JAK3: variants seen among roughly 807,000 people sequenced by gnomAD.
JAK3 encodes tyrosine-protein kinase JAK3.
Under a neutral mutation model 120.8 loss-of-function variants are expected in JAK3, and 88 were observed. The observed-to-expected ratio is 0.73, with a 90% CI of 0.61 to 0.87. The LOEUF (loss-of-function observed/expected upper bound fraction) is 0.87. Ranked by LOEUF, JAK3 falls within the 40% of genes least tolerant of loss-of-function variation. The pLI is 0.00. For missense variants in JAK3, 1,254 were observed against 1,501.4 expected, an observed-to-expected ratio of 0.84 and a Z score of 2.72; for synonymous variants, 592 against 628.6, an observed-to-expected ratio of 0.94 and a Z score of 0.87.
In JAK3 at chr19:17,843,353, T is replaced by TG; in HGVS notation, c.420+26dup. 6.5e-7 allele frequency: 1 copy of TG among 1,550,114 alleles called. No homozygotes were observed. Among genetic ancestry groups the TG allele is most frequent in the South Asian group, 1.2e-5 (1 of 85,226 alleles). On this transcript the variant is annotated intron_variant, in intron 4 of 23. Coordinates refer to ENST00000458235, the MANE Select transcript of JAK3 (RefSeq NM_000215.4). This position sits in a 1 kb window ranked among gnomAD's most constrained non-coding sequence, Gnocchi z 5.4. The stretch of plus-strand genomic sequence containing the variant: ...GTTGCCCCTTGGACCCCCAACCCCC[T>TG]GGGTCAAACCCCAGGCAGAACCCCA...
rs200747845 is a variant in JAK3, at chr19:17,826,684, G to A, written c.*59C>T. 24 of 1,592,836 alleles carry A rather than the reference G, an allele frequency of 1.5e-5. No homozygotes were observed. The highest frequency in any genetic ancestry group is 2.7e-5 in the African/African-American group (2 of 74,456). Reference sequence around the variant, plus strand: ...CTGAGGCCCAGAGAGGGGCAGCTCCGGGCCTAAGGTCACACAGCCAGTCAA... The same window carrying A: ...CTGAGGCCCAGAGAGGGGCAGCTCCAGGCCTAAGGTCACACAGCCAGTCAA... On this transcript the variant is annotated 3_prime_UTR_variant, in exon 24 of 24. Transcript: ENST00000458235.
rs1444227196 is a variant in JAK3, at chr19:17,831,859, C to T, written c.2681-61G>A. The T allele has an allele frequency of 1.9e-6, 3 of 1,601,762 alleles. No individual in the cohort carries two copies. Among genetic ancestry groups the T allele is most frequent in the East Asian group, 2.2e-5 (1 of 44,638 alleles). On this transcript the variant is annotated intron_variant, in intron 19 of 23. Transcript: ENST00000458235. This position sits in a 1 kb window ranked among gnomAD's most constrained non-coding sequence, Gnocchi z 5.1. The stretch of plus-strand genomic sequence containing the variant: ...CCCTGCTCGTCCCCCCATTCTTCCC[C>T]CCTTTCACAGTGGGACCTTGTGTCC...
chr19:17,836,161 G>A, intron 13 of JAK3, 110 bp from the exon 14 acceptor site: 1 of 1,273,878 alleles, frequency 7.9e-7, no homozygotes, highest in Non-Finnish European at 1.1e-6. Flanking sequence ...ATCTCTGTCT[G>A]TTCCCTCCCC....
intron 1 of JAK3, among the ~76,000 whole-genome samples, chr19:17,846,455 C>T (rs1028358781): frequency 2.0e-5 from 3 of 152,158 alleles, no homozygotes; most frequent in Admixed American, 6.5e-5. Context: ...TTCCTAGTCC[C>T]GGGAACCTTG....
intron 1 of JAK3, among the ~76,000 whole-genome samples, chr19:17,846,006 C>T (rs3212703): frequency 0.079 from 12,036 of 151,936 alleles, 598 homozygotes; most frequent in African/African-American, 0.13. Flanking sequence ...TTGGTAGAGA[C>T]GGGGTTTCAC....
chr19:17,845,103 TGTC>T (rs1186390445), intron 1 of JAK3, among the ~76,000 whole-genome samples: 1 of 152,198 alleles, frequency 6.6e-6, no homozygotes, highest in East Asian at 1.9e-4. Context: ...CAGTGGCTCA[TGTC>T]TGTAATCCCA....
At position 17,843,236 on chromosome 19, in the gene JAK3, G is replaced by T. The variant is rs1458030611; in HGVS notation, c.421-64C>A. 6.4e-7 allele frequency: 1 copy of T among 1,561,230 alleles called. No homozygotes were observed. The highest frequency in any genetic ancestry group is 1.2e-5 in the South Asian group (1 of 85,844). On this transcript the variant is annotated intron_variant, in intron 4 of 23. Coordinates refer to ENST00000458235, the MANE Select transcript of JAK3 (RefSeq NM_000215.4). This position sits in a 1 kb window ranked among gnomAD's most constrained non-coding sequence, Gnocchi z 5.4. ...CAACTTCAAGCCCTGTTGTTAACCTGCAGACCCCCCCAATCCTGGGCTGAC... is the reference window on the plus strand; with the variant it reads ...CAACTTCAAGCCCTGTTGTTAACCTTCAGACCCCCCCAATCCTGGGCTGAC...
rs2094213325 is a variant in JAK3 at position 17,831,025 on chromosome 19, G to A, written c.2978+203C>T. Among the ~76,000 whole-genome samples, 1 of 148,944 alleles carries A rather than the reference G, an allele frequency of 6.7e-6. No homozygotes were observed. Among genetic ancestry groups the A allele is most frequent in the African/African-American group, 2.5e-5 (1 of 40,192 alleles). On this transcript the variant is annotated intron_variant, in intron 21 of 23. Coordinates refer to ENST00000458235, the MANE Select transcript of JAK3 (RefSeq NM_000215.4). This position sits in a 1 kb window ranked among gnomAD's most constrained non-coding sequence, Gnocchi z 5.1. ...AAGGGCGGGGCTAAGGCTGGGGGCCGCTGACAGCAGGGCAGCGGGAGACAG... is the reference window on the plus strand; with the variant it reads ...AAGGGCGGGGCTAAGGCTGGGGGCCACTGACAGCAGGGCAGCGGGAGACAG...
At position 17,830,144 on chromosome 19, in the gene JAK3, G is replaced by A. The variant is rs1476624133; in HGVS notation, c.3171C>T (p.Gly1057=). The change falls in exon 23 of 24, where the codon GGC becomes GGT. Residue 1057 remains glycine (G), a synonymous_variant. Coordinates refer to ENST00000458235, the MANE Select transcript of JAK3 (RefSeq NM_000215.4). The stretch of plus-strand genomic sequence containing the variant: ...AGGCAGGAGGCGCCGGCAGCCTCTG[G>A]CCCTCCTCCAGCAGTTCCAAGAGGC... ...LCRLLELLEE[G]QRLPAPPACP... The A allele has an allele frequency of 1.9e-6, 3 of 1,592,622 alleles. No homozygotes were observed. Among genetic ancestry groups the A allele is most frequent in the South Asian group, 1.1e-5 (1 of 87,626 alleles).
In JAK3 at chr19:17,826,375, G is replaced by T. The variant is rs950404286; in HGVS notation, c.*368C>A. On this transcript the variant is annotated 3_prime_UTR_variant, in exon 24 of 24. Transcript: ENST00000458235. ...ACTCCACCCTGGGTAACAGAGCGAG[G>T]CTCTGTCTCAAAAATAAAAATAAAA... is the stretch of plus-strand genomic sequence containing the variant. 6 of 288,284 alleles carry T rather than the reference G, an allele frequency of 2.1e-5. No homozygotes were observed. The highest frequency in any genetic ancestry group is 1.3e-4 in the African/African-American group (6 of 46,424). 17.9% of individuals were successfully genotyped at this position (288,284 alleles called of 1,614,324 possible). A position where few individuals can be genotyped will look rare whatever the true frequency, so the allele number is the denominator to read the frequency against.
rs1181954397 is a variant in JAK3, at chr19:17,824,902, C to T, written c.*1841G>A. The T allele has an allele frequency of 2.8e-5, 6 of 217,402 alleles. No individual in the cohort carries two copies. Among genetic ancestry groups the T allele is most frequent in the Non-Finnish European group, 5.5e-5 (6 of 108,130 alleles). 13.5% of individuals were successfully genotyped at this position (217,402 alleles called of 1,614,324 possible). A position where few individuals can be genotyped will look rare whatever the true frequency, so the allele number is the denominator to read the frequency against. On this transcript the variant is annotated 3_prime_UTR_variant, in exon 24 of 24. Transcript: ENST00000458235. Reference sequence around the variant, plus strand: ...GGGAGACAGCTGGACACAGACACTTCCCCAGCCCCAGGGCCAGAGTGGGGC... The same window carrying T: ...GGGAGACAGCTGGACACAGACACTTTCCCAGCCCCAGGGCCAGAGTGGGGC...
rs527598001 is a variant in JAK3 at position 17,830,630 on chromosome 19, G to A, written c.2979-10C>T. 10 of 1,609,062 alleles carry A rather than the reference G, an allele frequency of 6.2e-6. No homozygotes were observed. In the African/African-American group the frequency reaches 1.3e-4, roughly 22 times the overall value. On this transcript the variant is annotated splice_polypyrimidine_tract_variant and intron_variant, in intron 21 of 23. Coordinates refer to ENST00000458235, the MANE Select transcript of JAK3 (RefSeq NM_000215.4). ...GGATTCGGGGGCATACCTGGAGAGGGGACAAGGTCTTGAGATGCGAGGGTG... is the reference window on the plus strand; with the variant it reads ...GGATTCGGGGGCATACCTGGAGAGGAGACAAGGTCTTGAGATGCGAGGGTG...
At position 17,831,294 on chromosome 19, in the gene JAK3, G is replaced by C. The variant is rs1568401276; in HGVS notation, c.2912C>G (p.Ala971Gly). Residue 971 changes from alanine to glycine, a missense_variant, in exon 21 of 24, where the codon GCT becomes GGT. By Grantham distance (60) the Ala-to-Gly change is moderately conservative (BLOSUM62 0). Coordinates refer to ENST00000458235, the MANE Select transcript of JAK3 (RefSeq NM_000215.4). The surrounding 1 kb of genome is among the most constrained non-coding windows in gnomAD (Gnocchi z 5.1). ...AHVKIADFGL[A>G]KLLPLDKDYY... is the part of the protein sequence containing the mutation. ...GTCTTTGTCAAGCGGCAGCAGCTTA[G>C]CTAGGCCGAAGTCAGCGATCTTGAC... 2.5e-6 allele frequency: 4 copies of C among 1,612,834 alleles called. No individual in the cohort carries two copies. The highest frequency in any genetic ancestry group is 2.2e-5 in the East Asian group (1 of 44,874).
chr19:17,838,242 T>C (rs771288240), intron 11 of JAK3, 21 bp downstream of exon 11: 12 of 1,613,844 alleles, frequency 7.4e-6, no homozygotes, highest in Non-Finnish European at 1.0e-5. Context: ...AGGTATCGCC[T>C]CATTTCCCAG....
intron 1 of JAK3, among the ~76,000 whole-genome samples, chr19:17,844,907 G>A (rs74547455): frequency 0.04 from 6,002 of 151,918 alleles, 234 homozygotes; most frequent in East Asian, 0.13. Context: ...CCTCCCACCC[G>A]CTCGCTCACT....
At chr19:17,828,083 A>C (rs771170963) in intron 23 of JAK3, among the ~76,000 whole-genome samples, 5 of 150,804 alleles carry the variant, frequency 3.3e-5, no homozygotes, top group Non-Finnish European at 7.4e-5. Flanking sequence ...TCCACTGGAA[A>C]TTTCTTCTCC....
rs769914477 is a variant in JAK3, at chr19:17,844,376, A to T, written c.42T>A (p.Arg14=). 10 of 1,612,262 alleles carry T rather than the reference A, an allele frequency of 6.2e-6. No homozygotes were observed. Residue 14 remains arginine (R), a synonymous_variant, in exon 2 of 24, where the codon CGT becomes CGA. Transcript: ENST00000458235. ...PSEETPLIPQ[R]SCSLLSTEAG... is the part of the protein sequence containing the mutation. ...CCTCCGTGGACAAGAGGCTGCATGA[A>T]CGCTGAGGGATCAGGGGCGTCTCTT...
rs560941492 is a variant in JAK3, at chr19:17,825,134, G to C, written c.*1609C>G. The C allele has an allele frequency of 2.2e-5, 5 of 229,706 alleles. No individual in the cohort carries two copies. In the South Asian group the frequency reaches 7.3e-4, roughly 33 times the overall value. 14.2% of individuals were successfully genotyped at this position (229,706 alleles called of 1,614,324 possible). A position where few individuals can be genotyped will look rare whatever the true frequency, so the allele number is the denominator to read the frequency against. On this transcript the variant is annotated 3_prime_UTR_variant, in exon 24 of 24. Transcript: ENST00000458235. ...CAGAAAGTTGACCCTGCACAGCCAAGGGGTAAGCTCTGACCATTTTGCAGG... is the reference window on the plus strand; with the variant it reads ...CAGAAAGTTGACCCTGCACAGCCAACGGGTAAGCTCTGACCATTTTGCAGG...
chr19:17,826,596 G>T lies in JAK3; in HGVS notation c.*147C>A. ...GGCCACAGGCTATTCTACAGGCCAC[G>T]GGAGCCCCCCCAAATGCAATGTCAT... On this transcript the variant is annotated 3_prime_UTR_variant, in exon 24 of 24. Transcript: ENST00000458235. 2.3e-6 allele frequency: 2 copies of T among 876,072 alleles called. No individual in the cohort carries two copies. The highest frequency in any genetic ancestry group is 3.9e-6 in the Non-Finnish European group (2 of 519,212). The allele number at this position is 876,072 out of a possible 1,614,324, so 54.3% of individuals were successfully genotyped here.
Sources: gnomAD v4.1 joint callset for allele counts (sites outside exome capture counted in the v4.1 genomes callset) on GRCh38, gnomAD v4.1.1 for gene constraint, Gnocchi (gnomAD v3.1) non-coding constraint, MANE v1.5 for transcripts, NCBI Gene and HGNC (gene_info 2026-07-23, HGNC 2026-07-21) for gene names.